The following FAM78B variants were observed in gnomAD, a reference collection of about 807,000 sequenced individuals.
FAM78B encodes family with sequence similarity 78 member B.
In FAM78B, 10 loss-of-function variants were observed where a neutral mutation model predicts 20.0. The observed-to-expected ratio is 0.50, with a 90% CI of 0.31 to 0.85. The LOEUF (loss-of-function observed/expected upper bound fraction) is 0.85, where lower values mean the gene tolerates loss of function less well. FAM78B is among the 40% of genes least tolerant of loss of function. FAM78B has a pLI of 0.05. For missense variants in FAM78B, 283 were observed against 345.0 expected (o/e 0.82, Z 1.42); for synonymous variants, 135 against 132.8 (o/e 1.02, Z -0.12).
chr1:166,163,409 AC>A (rs750395386), intron 1 of FAM78B, among the ~76,000 whole-genome samples: 19 of 152,362 alleles, frequency 1.2e-4, no homozygotes, highest in Non-Finnish European at 1.9e-4. Flanking sequence ...AATTTAAACC[AC>A]AAAACCTCAG....
At chr1:166,105,619 T>C (rs1459538667) in intron 1 of FAM78B, among the ~76,000 whole-genome samples, 3 of 152,232 alleles carry the variant, frequency 2.0e-5, no homozygotes, top group Non-Finnish European at 4.4e-5. Context: ...TCATCATCAC[T>C]GGCCATCAGA....
At chr1:166,100,478 C>T (rs528600866) in intron 1 of FAM78B, among the ~76,000 whole-genome samples, 3 of 152,192 alleles carry the variant, frequency 2.0e-5, no homozygotes, top group Non-Finnish European at 2.9e-5. Flanking sequence ...CCTGGAAAAT[C>T]GGGTCCCTCC....
chr1:166,083,458 G>T (rs984033963), intron 1 of FAM78B, among the ~76,000 whole-genome samples: 1 of 152,176 alleles, frequency 6.6e-6, no homozygotes, highest in African/African-American at 2.4e-5. Flanking sequence ...GCCTCTTTGG[G>T]CTTTCATTTC....
At chr1:166,090,122 A>G (rs1394976541) in intron 1 of FAM78B, among the ~76,000 whole-genome samples, 4 of 152,106 alleles carry the variant, frequency 2.6e-5, no homozygotes, top group Non-Finnish European at 4.4e-5. Context: ...CAGTTATACA[A>G]TGCTGCTCCT....
chr1:166,165,688 C>A (rs1436838414), intron 1 of FAM78B, among the ~76,000 whole-genome samples: 1 of 152,148 alleles, frequency 6.6e-6, no homozygotes, highest in East Asian at 1.9e-4. Context: ...CGCCAGCCAT[C>A]CCCACCTCCG....
intron 1 of FAM78B, among the ~76,000 whole-genome samples, chr1:166,147,520 T>C (rs1655506465): frequency 6.6e-6 from 1 of 152,228 alleles, no homozygotes; most frequent in South Asian, 2.1e-4. Context: ...CAAGGTGTTT[T>C]TATGGGTCTA....
chr1:166,073,124 C>G (rs537355186), intron 1 of FAM78B, among the ~76,000 whole-genome samples: 5 of 152,172 alleles, frequency 3.3e-5, no homozygotes, highest in Admixed American at 6.5e-5. Context: ...AGGAAAATAC[C>G]CTTTTCTTGG....
intron 1 of FAM78B, among the ~76,000 whole-genome samples, chr1:166,098,090 C>T (rs1174994973): frequency 1.3e-5 from 2 of 152,156 alleles, no homozygotes; most frequent in Non-Finnish European, 2.9e-5. Flanking sequence ...AACCTGGAGC[C>T]GGGTAGACTC....
intron 1 of FAM78B, among the ~76,000 whole-genome samples, chr1:166,164,328 T>C (rs1480807310): frequency 2.0e-5 from 3 of 152,262 alleles, no homozygotes; most frequent in Admixed American, 6.5e-5. Context: ...GCTCTTGCCC[T>C]GCCTGTGGCT....
chr1:166,081,891 T>A (rs2101724238), intron 1 of FAM78B, among the ~76,000 whole-genome samples: 1 of 152,178 alleles, frequency 6.6e-6, no homozygotes, highest in East Asian at 1.9e-4. Flanking sequence ...TCCCTCACCA[T>A]GCCCCAATCC....
chr1:166,095,840 A>C (rs931879775), intron 1 of FAM78B, among the ~76,000 whole-genome samples: 3 of 152,148 alleles, frequency 2.0e-5, no homozygotes, highest in African/African-American at 7.2e-5. Flanking sequence ...GGGGGGCAAC[A>C]CTCCAGTGGC....
downstream of FAM78B, among the ~76,000 whole-genome samples, chr1:166,056,214 TACC>T (rs1383856741): frequency 6.6e-6 from 1 of 152,180 alleles, no homozygotes; most frequent in African/African-American, 2.4e-5. Context: ...AACCACTATT[TACC>T]ACTTTTTATT....
chr1:166,102,980 T>C (rs1653592428), intron 1 of FAM78B, among the ~76,000 whole-genome samples: 1 of 152,066 alleles, frequency 6.6e-6, no homozygotes, highest in South Asian at 2.1e-4. Context: ...TCAGCAAATG[T>C]AAAAGAAAAG....
At position 166,109,868 on chromosome 1, in the gene FAM78B, GTATATATATATATGTATATATGTATATA is replaced by G. The variant is rs1653959134; in HGVS notation, c.264-39133_264-39106del. Among the ~76,000 whole-genome samples the G allele has an allele frequency of 3.5e-4, 3 of 8,582 alleles. 1 individual carries two copies. The highest frequency in any genetic ancestry group is 2.1e-3 in the Admixed American group (2 of 946). The allele number at this position is 8,582 out of a possible 152,430, so 5.6% of individuals were successfully genotyped here. A position where few individuals can be genotyped will look rare whatever the true frequency, so the allele number is the denominator to read the frequency against. On this transcript the variant is annotated intron_variant, in intron 1 of 1. Transcript: ENST00000354422. ...TATATATATATATATATATGTATGT[GTATATATATATATGTATATATGTATATA>G]TATATATATATATATATATATATAA...
chr1:166,083,458 G>C (rs984033963), intron 1 of FAM78B, among the ~76,000 whole-genome samples: 3 of 152,176 alleles, frequency 2.0e-5, no homozygotes, highest in Admixed American at 1.3e-4. Context: ...GCCTCTTTGG[G>C]CTTTCATTTC....
At chr1:166,109,866 GTGTATATATATATATGTATATA>G (rs1653958136) in intron 1 of FAM78B, among the ~76,000 whole-genome samples, 2 of 17,160 alleles carry the variant, frequency 1.2e-4, no homozygotes, top group African/African-American at 1.9e-4. Context: ...ATATATGTAT[GTGTATATATATATATGTATATA>G]TGTATATATA....
intron 1 of FAM78B, among the ~76,000 whole-genome samples, chr1:166,120,874 T>C (rs1192374692): frequency 3.9e-5 from 6 of 152,244 alleles, no homozygotes; most frequent in Non-Finnish European, 5.9e-5. Flanking sequence ...CCATTTGTCT[T>C]GTTCTTTACA....
At chr1:166,086,967 G>A (rs947674910) in intron 1 of FAM78B, 1 of 152,192 alleles carries the variant, frequency 6.6e-6, no homozygotes, top group Non-Finnish European at 1.5e-5. Context: ...GTGTGGCCCA[G>A]GTGAGATGTC....
chr1:166,087,644 T>A (rs1233429207), intron 1 of FAM78B, among the ~76,000 whole-genome samples: 1 of 152,212 alleles, frequency 6.6e-6, no homozygotes, highest in Non-Finnish European at 1.5e-5. Context: ...GGAGAGAAGT[T>A]AAGTAATGTG....
Sources: allele counts gnomAD v4.1 joint callset (sites outside exome capture counted in the v4.1 genomes callset), GRCh38; gene constraint gnomAD v4.1.1; transcripts MANE v1.5; gene names NCBI Gene and HGNC (gene_info 2026-07-23, HGNC 2026-07-21).